The following MGMT variants were observed in gnomAD, a reference collection of about 807,000 sequenced individuals.
MGMT encodes the protein O-6-methylguanine-DNA methyltransferase.
Under a neutral mutation model 15.9 loss-of-function variants are expected in MGMT, and 14 were observed. The ratio of observed to expected loss-of-function variants is 0.88; its 90% CI spans 0.58 to 1.37. MGMT has a LOEUF of 1.37. MGMT is among the 40% of genes most tolerant of loss of function. The probability of loss-of-function intolerance (pLI) is 0.00; values close to 1 mark genes in which losing one functional copy is unlikely to be tolerated. For missense variants in MGMT, 282 were observed against 268.1 expected (o/e 1.05, Z -0.36); for synonymous variants, 130 against 118.2 (o/e 1.10, Z -0.65).
At chr10:129,621,447 C>T (rs929167685) in intron 2 of MGMT, among the ~76,000 whole-genome samples, 4 of 152,186 alleles carry the variant, frequency 2.6e-5, no homozygotes, top group South Asian at 2.1e-4. Flanking sequence ...TTTTCACGTA[C>T]GCATTTTGAT....
chr10:129,593,690 T>G (rs1846716840), intron 2 of MGMT, among the ~76,000 whole-genome samples: 1 of 152,154 alleles, frequency 6.6e-6, no homozygotes, highest in African/African-American at 2.4e-5. Flanking sequence ...CCAGGCTCCT[T>G]AAAGCAGCTT....
chr10:129,649,751 C>T (rs1468191118), intron 2 of MGMT, among the ~76,000 whole-genome samples: 1 of 152,098 alleles, frequency 6.6e-6, no homozygotes, highest in East Asian at 1.9e-4. Flanking sequence ...CAGTATTTGC[C>T]TGTAAGAAAT....
intron 2 of MGMT, among the ~76,000 whole-genome samples, chr10:129,690,942 AGGTTTGTCT>A (rs1035028900): frequency 6.6e-6 from 1 of 152,078 alleles, no homozygotes; most frequent in African/African-American, 2.4e-5. Context: ...GATTTTAGGA[AGGTTTGTCT>A]GGTTTTGGCA....
At position 129,618,458 on chromosome 10, in the gene MGMT, G is replaced by GT. The variant is rs536859687; in HGVS notation, c.125+82087dup. Reference sequence around the variant, plus strand: ...TTGTAGAAGTTCTCCAAATTTCGTTGTTTTTTCCACAATTGTTTTGGCTCT... The same window carrying GT: ...TTGTAGAAGTTCTCCAAATTTCGTTGTTTTTTTCCACAATTGTTTTGGCTCT... On this transcript the variant is annotated intron_variant, in intron 2 of 4. Transcript: ENST00000651593. 4.2e-3 allele frequency among the ~76,000 whole-genome samples: 635 copies of GT among 151,956 alleles called. 5 individuals carry two copies. The highest frequency in any genetic ancestry group is 0.015 in the African/African-American group (615 of 41,506).
intron 2 of MGMT, among the ~76,000 whole-genome samples, chr10:129,575,298 A>G (rs1564857187): frequency 6.6e-6 from 1 of 151,980 alleles, no homozygotes; most frequent in Non-Finnish European, 1.5e-5. Flanking sequence ...AGCACTCCTC[A>G]GCAAATGTAA....
rs939853835 is a variant in MGMT at position 129,695,660 on chromosome 10, C to T, written c.126-12235C>T. Among the ~76,000 whole-genome samples, 3 of 152,200 alleles carry T rather than the reference C, an allele frequency of 2.0e-5. No individual in the cohort carries two copies. In the South Asian group the frequency reaches 6.2e-4, roughly 32 times the overall value. On this transcript the variant is annotated intron_variant, in intron 2 of 4. Coordinates refer to ENST00000651593, the MANE Select transcript of MGMT (RefSeq NM_002412.5). Reference sequence around the variant, plus strand: ...TTGTGTCAATTAGGGGTAGGTACATCTTAGCCCTGTTGGTACCAAAAGTAT... The same window carrying T: ...TTGTGTCAATTAGGGGTAGGTACATTTTAGCCCTGTTGGTACCAAAAGTAT...
intron 2 of MGMT, among the ~76,000 whole-genome samples, chr10:129,635,914 A>T (rs532151067): frequency 8.5e-5 from 13 of 152,110 alleles, no homozygotes; most frequent in Non-Finnish European, 1.6e-4. Context: ...TGCTGTAATC[A>T]CTCCAGAATA....
rs781418118 is a variant in MGMT, at chr10:129,659,419, G to T, written c.126-48476G>T. ...TCTGCCTGGGTTGTTTTCTAAATGCGTTTGGCTGGAGATAGAACAGATCCT... is the reference window on the plus strand; with the variant it reads ...TCTGCCTGGGTTGTTTTCTAAATGCTTTTGGCTGGAGATAGAACAGATCCT... On this transcript the variant is annotated intron_variant, in intron 2 of 4. Coordinates refer to ENST00000651593, the MANE Select transcript of MGMT (RefSeq NM_002412.5). This position sits in a 1 kb window ranked among gnomAD's most constrained non-coding sequence, Gnocchi z 4.1. 4.0e-5 allele frequency among the ~76,000 whole-genome samples: 6 copies of T among 151,662 alleles called. No individual in the cohort carries two copies. The highest frequency in any genetic ancestry group is 1.5e-4 in the African/African-American group (6 of 41,124).
At chr10:129,698,315 C>T (rs1245574263) in intron 2 of MGMT, among the ~76,000 whole-genome samples, 1 of 152,190 alleles carries the variant, frequency 6.6e-6, no homozygotes, top group Non-Finnish European at 1.5e-5. Flanking sequence ...CATGTCCAGG[C>T]ATGCAGTGTT....
At position 129,770,555 on chromosome 10, in the gene MGMT, C is replaced by T. The variant is rs1374893317; in HGVS notation, c.*3558C>T. ...GTGACCATGGGCGGTGGCGCCAGCT[C>T]GGACTTCACCCCGTTGGAGCGGGCA... On this transcript the variant is annotated 3_prime_UTR_variant, in exon 5 of 5. Transcript: ENST00000651593. Among the ~76,000 whole-genome samples the T allele has an allele frequency of 1.3e-5, 2 of 152,186 alleles. No individual in the cohort carries two copies. The highest frequency in any genetic ancestry group is 2.4e-5 in the African/African-American group (1 of 41,444).
At chr10:129,629,412 C>G (rs569524570) in intron 2 of MGMT, among the ~76,000 whole-genome samples, 2 of 152,080 alleles carry the variant, frequency 1.3e-5, no homozygotes, top group Non-Finnish European at 2.9e-5. Flanking sequence ...TTTCATTGTC[C>G]GTGGTAGTAC....
intron 2 of MGMT, among the ~76,000 whole-genome samples, chr10:129,675,179 G>A (rs554496384): frequency 6.6e-6 from 1 of 152,332 alleles, no homozygotes; most frequent in East Asian, 1.9e-4. Context: ...GCGGGAGCAA[G>A]GGCCCAGCAC....
At chr10:129,468,714 G>A (rs1407830733) in intron 1 of MGMT, among the ~76,000 whole-genome samples, 3 of 151,996 alleles carry the variant, frequency 2.0e-5, no homozygotes, top group Non-Finnish European at 2.9e-5. Context: ...GTGAAACCCA[G>A]TTTCTACTAA....
chr10:129,708,056 G>C lies in MGMT; in HGVS notation c.274+13G>C, dbSNP rs1167348929. On this transcript the variant is annotated intron_variant, in intron 3 of 4. Transcript: ENST00000651593. The stretch of plus-strand genomic sequence containing the variant: ...GTTTTCCAGCAAGGTCGGTAACTAA[G>C]CCATCTGCGGTGTTTCCTTTGGGGA... 1.2e-6 allele frequency: 2 copies of C among 1,605,240 alleles called. No homozygotes were observed. The highest frequency in any genetic ancestry group is 1.7e-6 in the Non-Finnish European group (2 of 1,175,930).
chr10:129,729,953 T>A (rs913720679), intron 3 of MGMT, among the ~76,000 whole-genome samples: 1 of 152,164 alleles, frequency 6.6e-6, no homozygotes, highest in African/African-American at 2.4e-5. Flanking sequence ...GGTGTTGATA[T>A]GAGGTGTCTG....
intron 2 of MGMT, among the ~76,000 whole-genome samples, chr10:129,605,794 T>G (rs1285517094): frequency 6.6e-6 from 1 of 152,192 alleles, no homozygotes; most frequent in African/African-American, 2.4e-5. Flanking sequence ...GCGGGTTAAT[T>G]CGGAATGTGT....
At chr10:129,644,662 T>G (rs1847366068) in intron 2 of MGMT, among the ~76,000 whole-genome samples, 1 of 152,176 alleles carries the variant, frequency 6.6e-6, no homozygotes, top group Non-Finnish European at 1.5e-5. Context: ...CCTTAACTCT[T>G]TATCAGAAGG....
At chr10:129,469,918 C>T (rs1845211684) in intron 1 of MGMT, among the ~76,000 whole-genome samples, 1 of 152,026 alleles carries the variant, frequency 6.6e-6, no homozygotes. Flanking sequence ...CCGTATGTTG[C>T]CTAGGGTGGT....
intron 3 of MGMT, among the ~76,000 whole-genome samples, chr10:129,713,469 C>A (rs535016764): frequency 6.6e-6 from 1 of 152,226 alleles, no homozygotes; most frequent in South Asian, 2.1e-4. Context: ...AAGAACCCAT[C>A]CACAGCTGAG....
Sources: gnomAD v4.1 joint callset for allele counts (sites outside exome capture counted in the v4.1 genomes callset) on GRCh38, gnomAD v4.1.1 for gene constraint, Gnocchi (gnomAD v3.1) non-coding constraint, MANE v1.5 for transcripts, NCBI Gene and HGNC (gene_info 2026-07-23, HGNC 2026-07-21) for gene names.